SCN7A: variants seen among roughly 807,000 people sequenced by gnomAD.
SCN7A encodes the protein sodium voltage-gated channel alpha subunit 7, also known as sodium channel protein type 7 subunit alpha.
In SCN7A, 138 loss-of-function variants were observed where a neutral mutation model predicts 155.2. The ratio of observed to expected loss-of-function variants is 0.89; its 90% CI spans 0.77 to 1.02. The LOEUF (loss-of-function observed/expected upper bound fraction) is 1.02, where lower values mean the gene tolerates loss of function less well. Among genes scored for constraint, SCN7A ranks in the 50% least tolerant of loss-of-function variants. The pLI, the probability that SCN7A is intolerant of heterozygous loss-of-function variation, is 0.00. For missense variants in SCN7A, 2,058 were observed against 1,986.6 expected (o/e 1.04, Z -0.68); for synonymous variants, 693 against 649.0 (o/e 1.07, Z -1.03).
intron 19 of SCN7A, among the ~76,000 whole-genome samples, chr2:166,422,618 A>T (rs184807411): frequency 3.3e-5 from 5 of 152,224 alleles, no homozygotes; most frequent in Admixed American, 3.3e-4. Context: ...CAGTAAATAG[A>T]CCTGGACAGG....
chr2:166,427,899 G>A lies in SCN7A; in HGVS notation c.2742C>T (p.Ser914=). The A allele has an allele frequency of 6.2e-7, 1 of 1,612,658 alleles. No individual in the cohort carries two copies. Among genetic ancestry groups the A allele is most frequent in the Non-Finnish European group, 8.5e-7 (1 of 1,179,256 alleles). Residue 914 remains serine, a synonymous_variant, in exon 18 of 26, where the codon TCC becomes TCT. Transcript: ENST00000643258. The part of the protein sequence containing the change: ...GSSLGQISGA[S]KKGKIWQNIR... ...TGTTCTGCCAGATTTTTCCTTTCTTGGATGCTCCACTGATTTGACCAAGTG... is the reference window on the plus strand; with the variant it reads ...TGTTCTGCCAGATTTTTCCTTTCTTAGATGCTCCACTGATTTGACCAAGTG...
rs184096807 is a variant in SCN7A at position 166,474,711 on chromosome 2, C to T, written c.235-367G>A. On this transcript the variant is annotated intron_variant, in intron 3 of 25. Coordinates refer to ENST00000643258, the MANE Select transcript of SCN7A (RefSeq NM_002976.4). ...ATGCCAGAGCTGGTGTATCTGAGAA[C>T]GTTAATGAATGTTAAAAGTTCGATT... Among the ~76,000 whole-genome samples, 126 of 151,656 alleles carry T rather than the reference C, an allele frequency of 8.3e-4. No homozygotes were observed. The Middle Eastern group carries it at 0.01, about 12-fold the overall frequency.
chr2:166,439,034 T>C (rs887540588), intron 15 of SCN7A, among the ~76,000 whole-genome samples: 5 of 117,320 alleles, frequency 4.3e-5, no homozygotes, highest in East Asian at 2.5e-4. Flanking sequence ...TACACACACA[T>C]ACATATATGT....
intron 10 of SCN7A, 113 bp downstream of exon 10, chr2:166,462,276 T>C: frequency 8.7e-7 from 1 of 1,154,962 alleles, no homozygotes; most frequent in South Asian, 2.0e-5. Flanking sequence ...TCTTTTGTCT[T>C]CCAATTCTTC....
At chr2:166,417,366 G>A (rs550370523) in intron 20 of SCN7A, among the ~76,000 whole-genome samples, 8 of 152,100 alleles carry the variant, frequency 5.3e-5, no homozygotes, top group East Asian at 1.9e-4. Context: ...CCAACTACTC[G>A]GGAGGCTGAG....
rs764719259 is a variant in SCN7A at position 166,405,954 on chromosome 2, G to A, written c.4675C>T (p.Leu1559Phe). Residue 1559 changes from leucine to phenylalanine, a missense_variant, in exon 26 of 26, where the codon CTC becomes TTC. Transcript: ENST00000643258. ...GCCATGGGGAGGTCCAAAGCAATGA[G>A]CTGGCCCTTGTTTGGTTTTGCCATG... The part of the protein sequence containing the change: ...LFMAKPNKGQ[L>F]IALDLPMAVG... 6.2e-7 allele frequency: 1 copy of A among 1,612,990 alleles called. No homozygotes were observed. Among genetic ancestry groups the A allele is most frequent in the South Asian group, 1.1e-5 (1 of 91,048 alleles).
chr2:166,452,248 T>C (rs1198206370), intron 11 of SCN7A, among the ~76,000 whole-genome samples: 2 of 151,924 alleles, frequency 1.3e-5, no homozygotes, highest in Non-Finnish European at 1.5e-5. Flanking sequence ...TTTGGAAGAT[T>C]ATATCATTTC....
intron 11 of SCN7A, among the ~76,000 whole-genome samples, chr2:166,454,145 C>A (rs193225452): frequency 6.6e-6 from 1 of 152,188 alleles, no homozygotes; most frequent in African/African-American, 2.4e-5. Context: ...TTCTTGGATA[C>A]AATTGAGTGC....
chr2:166,465,600 G>C (rs1047024229), intron 8 of SCN7A, 69 bp from the exon 9 acceptor site: 9 of 1,302,422 alleles, frequency 6.9e-6, no homozygotes, highest in Non-Finnish European at 4.3e-6. Flanking sequence ...AAGTCCATTT[G>C]GATCTCTGCA....
intron 11 of SCN7A, among the ~76,000 whole-genome samples, chr2:166,453,314 T>C (rs1702212154): frequency 6.6e-6 from 1 of 152,182 alleles, no homozygotes. Flanking sequence ...AATGTTATTA[T>C]ATTGTTATGA....
chr2:166,432,412 G>C lies in SCN7A; in HGVS notation c.2498C>G (p.Ser833Ter). Residue 833 changes from serine to a stop codon, truncating the protein, a stop_gained, in exon 16 of 26, where the codon TCA becomes TGA. Coordinates refer to ENST00000643258, the MANE Select transcript of SCN7A (RefSeq NM_002976.4). LOFTEE classifies it high-confidence loss of function. ...SQSLIPSPSV[S>*]ETVPIASGES... ...TCCTGAAGCAATTGGTACAGTTTCT[G>C]AGACACTAGGACTGGGGATAAGTGA... 1 of 1,613,550 alleles carries C rather than the reference G, an allele frequency of 6.2e-7. No homozygotes were observed.
At chr2:166,424,870 G>T (rs1701588416) in intron 18 of SCN7A, among the ~76,000 whole-genome samples, 1 of 152,042 alleles carries the variant, frequency 6.6e-6, no homozygotes, top group Non-Finnish European at 1.5e-5. Flanking sequence ...CACTGTAGTA[G>T]ATGCTGGAGT....
At position 166,472,440 on chromosome 2, in the gene SCN7A, G is replaced by C. The variant is rs1209805573; in HGVS notation, c.449C>G (p.Thr150Ser). ...LPKWRPVLEN[T>S]LLGIYTFEIL... is the part of the protein sequence containing the mutation. ...TTCAAATGTGTAAATTCCAAGCAAA[G>C]TATTCCTGCAGAAATTTTTTCATAT... Residue 150 changes from threonine (T) to serine (S), a missense_variant, in exon 6 of 26, where the codon ACT becomes AGT. Thr to Ser is a moderately conservative substitution (Grantham distance 58, BLOSUM62 1). Coordinates refer to ENST00000643258, the MANE Select transcript of SCN7A (RefSeq NM_002976.4). The C allele has an allele frequency of 6.3e-7, 1 of 1,596,904 alleles. No homozygotes were observed. The highest frequency in any genetic ancestry group is 8.6e-7 in the Non-Finnish European group (1 of 1,169,114).
At chr2:166,449,221 A>G (rs73027641) in intron 11 of SCN7A, among the ~76,000 whole-genome samples, 5,031 of 152,240 alleles carry the variant, frequency 0.033, 280 homozygotes, top group African/African-American at 0.11. Flanking sequence ...TTAGAACCAG[A>G]CAATGGATGG....
At chr2:166,431,179 C>T (rs1294742406) in intron 16 of SCN7A, among the ~76,000 whole-genome samples, 4 of 151,964 alleles carry the variant, frequency 2.6e-5, no homozygotes, top group Non-Finnish European at 4.4e-5. Flanking sequence ...AAATCTTTAA[C>T]GAAGATTGAG....
Position 166,405,490 on chromosome 2 carries a change from T to C in SCN7A, c.*90A>G, listed in dbSNP as rs1701047728. On this transcript the variant is annotated 3_prime_UTR_variant, in exon 26 of 26. Transcript: ENST00000643258. ...ATTACCATCGGTTGTAAAGAACTGA[T>C]TATTATCTCTACTTTTCTTTTATTC... 7.2e-6 allele frequency: 7 copies of C among 966,914 alleles called. No homozygotes were observed. Among genetic ancestry groups the C allele is most frequent in the Non-Finnish European group, 1.1e-5 (7 of 650,140 alleles). 59.9% of individuals were successfully genotyped at this position (966,914 alleles called of 1,614,324 possible). A position where few individuals can be genotyped will look rare whatever the true frequency, so the allele number is the denominator to read the frequency against.
Position 166,456,916 on chromosome 2 carries a change from A to G in SCN7A, c.1244T>C (p.Phe415Ser). The stretch of plus-strand genomic sequence containing the variant: ...TTGAAGTTCTTTTCCAGTCTGTTGA[A>G]ATTTTGGTTCAATCTTCTTAGATAT... ...GEISKKIEPK[F>S]QQTGKELQEG... The change falls in exon 11 of 26, where the codon TTT becomes TCT. Residue 415 changes from phenylalanine to serine, a missense_variant. Coordinates refer to ENST00000643258, the MANE Select transcript of SCN7A (RefSeq NM_002976.4). The G allele has an allele frequency of 6.4e-7, 1 of 1,559,246 alleles. No homozygotes were observed. The highest frequency in any genetic ancestry group is 8.7e-7 in the Non-Finnish European group (1 of 1,150,986).
rs3579 is a variant in SCN7A, at chr2:166,405,486, C to A, written c.*94G>T. ...CTTAATTACCATCGGTTGTAAAGAA[C>A]TGATTATTATCTCTACTTTTCTTTT... On this transcript the variant is annotated 3_prime_UTR_variant, in exon 26 of 26. Coordinates refer to ENST00000643258, the MANE Select transcript of SCN7A (RefSeq NM_002976.4). 2.1e-6 allele frequency: 2 copies of A among 936,788 alleles called. No individual in the cohort carries two copies. The highest frequency in any genetic ancestry group is 2.5e-5 in the East Asian group (1 of 40,510). 58.0% of individuals were successfully genotyped at this position (936,788 alleles called of 1,614,324 possible).
intron 2 of SCN7A, among the ~76,000 whole-genome samples, chr2:166,485,249 T>C (rs1703019803): frequency 6.6e-6 from 1 of 152,156 alleles, no homozygotes; most frequent in South Asian, 2.1e-4. Flanking sequence ...GAGATTGGAA[T>C]TAAAATCATC....
Sources: allele counts gnomAD v4.1 joint callset (sites outside exome capture counted in the v4.1 genomes callset), GRCh38; gene constraint gnomAD v4.1.1; transcripts MANE v1.5; gene names NCBI Gene and HGNC (gene_info 2026-07-23, HGNC 2026-07-21).